The following MIA3 variants were observed in gnomAD, a reference collection of about 807,000 sequenced individuals.
The protein encoded by MIA3 is MIA SH3 domain ER export factor 3, also known as transport and Golgi organization protein 1 homolog.
In MIA3, 90 loss-of-function variants were observed where a neutral mutation model predicts 192.4. The observed-to-expected ratio is 0.47, with a 90% confidence interval of 0.39 to 0.56. MIA3 has a LOEUF of 0.56. Among genes scored for constraint, MIA3 ranks in the 20% least tolerant of loss-of-function variants. The probability of loss-of-function intolerance (pLI) is 0.00; values close to 1 mark genes in which losing one functional copy is unlikely to be tolerated. For missense variants in MIA3, 2,123 were observed against 2,269.4 expected (o/e 0.94, Z 1.31); for synonymous variants, 740 against 792.8 (o/e 0.93, Z 1.12).
Position 222,627,716 on chromosome 1 carries a change from G to GA in MIA3, c.503dup (p.Asn168LysfsTer3), listed in dbSNP as rs756037599. On this transcript the variant is annotated frameshift_variant, in exon 4 of 28. Transcript: ENST00000344922. LOFTEE classifies it high-confidence loss of function. The stretch of plus-strand genomic sequence containing the variant: ...TGTAGAAAAAACTTTACAGGATATG[G>GA]AAAAAAACCCTGAATTATCTAAGGA... The GA allele has an allele frequency of 3.7e-6, 6 of 1,613,482 alleles. No individual in the cohort carries two copies. The highest frequency in any genetic ancestry group is 1.7e-5 in the Admixed American group (1 of 59,874).
At chr1:222,641,848 A>G (rs1333604134) in intron 6 of MIA3, 5 of 503,528 alleles carry the variant, frequency 9.9e-6, no homozygotes, top group Admixed American at 6.7e-5. Context: ...CATCTCTGTG[A>G]TAGTCTTGGA....
rs1039983022 is a variant in MIA3, at chr1:222,620,394, G to A, written c.134-765G>A. On this transcript the variant is annotated intron_variant, in intron 1 of 27. Coordinates refer to ENST00000344922, the MANE Select transcript of MIA3 (RefSeq NM_198551.4). The stretch of plus-strand genomic sequence containing the variant: ...GTTTTGCTTAGTCCCAGCCAAATGA[G>A]ATGTCGACTTTTGATTTTGTTTATA... Among the ~76,000 whole-genome samples, 4 of 152,218 alleles carry A rather than the reference G, an allele frequency of 2.6e-5. No individual in the cohort carries two copies. In the South Asian group the frequency reaches 8.3e-4, roughly 32 times the overall value.
intron 15 of MIA3, 106 bp from the exon 16 acceptor site, chr1:222,654,137 T>C: frequency 9.2e-7 from 1 of 1,090,294 alleles, no homozygotes; most frequent in Non-Finnish European, 1.3e-6. Context: ...GTTTGTTCTT[T>C]AAATGTTTGA....
chr1:222,630,770 CTT>C (rs1558178303), intron 4 of MIA3, among the ~76,000 whole-genome samples: 1 of 152,162 alleles, frequency 6.6e-6, no homozygotes, highest in Non-Finnish European at 1.5e-5. Context: ...ACTGGTATAA[CTT>C]TTAGATCAAT....
At position 222,627,827 on chromosome 1, in the gene MIA3, C is replaced by G. The variant is rs1206315817; in HGVS notation, c.607C>G (p.Gln203Glu). 1 of 1,614,006 alleles carries G rather than the reference C, an allele frequency of 6.2e-7. No individual in the cohort carries two copies. The highest frequency in any genetic ancestry group is 8.5e-7 in the Non-Finnish European group (1 of 1,180,016). Residue 203 changes from glutamine to glutamate, a missense_variant, in exon 4 of 28, where the codon CAG becomes GAG. Physicochemically the swap from Gln to Glu is conservative, Grantham distance 29. Coordinates refer to ENST00000344922, the MANE Select transcript of MIA3 (RefSeq NM_198551.4). ...AGAAAACACTGAGGATCTTCAGGAACAGTTTACAACTCAGAAGCACCACTC... is the reference window on the plus strand; with the variant it reads ...AGAAAACACTGAGGATCTTCAGGAAGAGTTTACAACTCAGAAGCACCACTC... ...FSENTEDLQE[Q>E]FTTQKHHSHA...
chr1:222,659,281 A>T, intron 19 of MIA3, 172 bp from the exon 20 acceptor site: 1 of 599,152 alleles, frequency 1.7e-6, no homozygotes, highest in Non-Finnish European at 3.0e-6. Context: ...ATTATGTATC[A>T]TTAGTTTTCA....
chr1:222,651,112 C>T (rs1411323250), intron 11 of MIA3, among the ~76,000 whole-genome samples: 1 of 151,934 alleles, frequency 6.6e-6, no homozygotes, highest in Non-Finnish European at 1.5e-5. Flanking sequence ...GTTCTCAACC[C>T]TAGGTAATTG....
intron 26 of MIA3, chr1:222,663,066 G>A (rs943650516): frequency 3.3e-5 from 5 of 152,024 alleles, no homozygotes; most frequent in African/African-American, 4.8e-5. Flanking sequence ...TGTGATTCTC[G>A]ACATTGAAAT....
chr1:222,661,592 C>T (rs1664015469), intron 24 of MIA3: 1 of 157,392 alleles, frequency 6.4e-6, no homozygotes, highest in Non-Finnish European at 1.4e-5. Context: ...ATCAGCACAC[C>T]TAACCCCTGC....
chr1:222,659,111 G>A, intron 19 of MIA3: 1 of 422,162 alleles, frequency 2.4e-6, no homozygotes, highest in Non-Finnish European at 4.2e-6. Context: ...CCATTTGATA[G>A]ACCCAGTAGT....
At chr1:222,660,424 G>T (rs1352668075) in intron 24 of MIA3, 110 bp downstream of exon 24, 2 of 1,094,842 alleles carry the variant, frequency 1.8e-6, no homozygotes, top group African/African-American at 3.2e-5. Context: ...GTATAGAAAA[G>T]AAAATTTCTT....
intron 8 of MIA3, among the ~76,000 whole-genome samples, chr1:222,649,990 A>G (rs527607584): frequency 3.9e-5 from 6 of 152,154 alleles, no homozygotes; most frequent in African/African-American, 1.4e-4. Context: ...AGATTCCACA[A>G]GAACTCAGTC....
At chr1:222,644,042 C>T (rs1249743839) in intron 6 of MIA3, among the ~76,000 whole-genome samples, 1 of 152,226 alleles carries the variant, frequency 6.6e-6, no homozygotes, top group Non-Finnish European at 1.5e-5. Flanking sequence ...CACGAGAGAC[C>T]TGCTTTTCTC....
At position 222,666,925 on chromosome 1, in the gene MIA3, T is replaced by C. The variant is rs1040471161; in HGVS notation, c.*1306T>C. 8 of 151,812 alleles carry C rather than the reference T, an allele frequency of 5.3e-5. No homozygotes were observed. The highest frequency in any genetic ancestry group is 1.9e-4 in the African/African-American group (8 of 41,278). The allele number at this position is 151,812 out of a possible 1,614,324, so 9.4% of individuals were successfully genotyped here. A position where few individuals can be genotyped will look rare whatever the true frequency, so the allele number is the denominator to read the frequency against. On this transcript the variant is annotated 3_prime_UTR_variant, in exon 28 of 28. Coordinates refer to ENST00000344922, the MANE Select transcript of MIA3 (RefSeq NM_198551.4). ...TAATAATAGCACTCCTTTTAAGGAG[T>C]TTCAGATCCACACTAAAACTAAAAT... is the stretch of plus-strand genomic sequence containing the variant.
Position 222,662,236 on chromosome 1 carries a change from T to C in MIA3, c.5183-17T>C. 6.2e-7 allele frequency: 1 copy of C among 1,611,766 alleles called. No individual in the cohort carries two copies. Among genetic ancestry groups the C allele is most frequent in the Non-Finnish European group, 8.5e-7 (1 of 1,177,970 alleles). On this transcript the variant is annotated splice_polypyrimidine_tract_variant and intron_variant, in intron 25 of 27. Transcript: ENST00000344922. The stretch of plus-strand genomic sequence containing the variant: ...CAAGTCAGAATAAGTCTACATCAGT[T>C]CTCTGGTCTTTAACAGATCCAGGAT...
At chr1:222,650,510 C>T in intron 9 of MIA3, 124 bp from the exon 10 acceptor site, 1 of 857,786 alleles carries the variant, frequency 1.2e-6, no homozygotes, top group South Asian at 1.7e-5. Flanking sequence ...ATAAACCATC[C>T]AGATCTTAAG....
intron 6 of MIA3, among the ~76,000 whole-genome samples, chr1:222,636,095 G>A (rs1206288549): frequency 1.3e-5 from 2 of 152,166 alleles, no homozygotes; most frequent in Non-Finnish European, 2.9e-5. Flanking sequence ...ATTCCCAAAA[G>A]TGACTGTACC....
chr1:222,651,443 G>C (rs1015574003), intron 11 of MIA3, among the ~76,000 whole-genome samples: 1 of 151,258 alleles, frequency 6.6e-6, no homozygotes, highest in Admixed American at 6.6e-5. Context: ...GCAGCCCACA[G>C]TTAAAAAGTG....
Position 222,660,534 on chromosome 1 carries a change from A to AT in MIA3, c.5113+226dup, listed in dbSNP as rs574363353. The AT allele has an allele frequency of 6.7e-4, 251 of 373,870 alleles. 2 individuals carry two copies. Among genetic ancestry groups the AT allele is most frequent in the Middle Eastern group, 5.2e-3 (7 of 1,350 alleles). The allele number at this position is 373,870 out of a possible 1,614,324, so 23.2% of individuals were successfully genotyped here. ...TCCTTTATTGTTTTGTTTCTCTTTA[A>AT]TTTTTTACTCTGAAGTGTAAGCCCT... On this transcript the variant is annotated intron_variant, in intron 24 of 27. Transcript: ENST00000344922.
Sources: allele counts gnomAD v4.1 joint callset (sites outside exome capture counted in the v4.1 genomes callset), GRCh38; gene constraint gnomAD v4.1.1; transcripts MANE v1.5; gene names NCBI Gene and HGNC (gene_info 2026-07-23, HGNC 2026-07-21).